MYO5B: variants seen among roughly 807,000 people sequenced by gnomAD.
The protein encoded by MYO5B is myosin VB.
MYO5B carries 143 observed loss-of-function variants against 229.3 expected under a neutral mutation model. That is an observed-to-expected ratio of 0.62 (90% CI 0.54 to 0.72). The LOEUF (loss-of-function observed/expected upper bound fraction) is 0.72, where lower values mean the gene tolerates loss of function less well. MYO5B is among the 30% of genes least tolerant of loss of function. The probability of loss-of-function intolerance (pLI) is 0.00; values close to 1 mark genes in which losing one functional copy is unlikely to be tolerated. For missense variants in MYO5B, 2,321 were observed against 2,331.0 expected, an observed-to-expected ratio of 1.00 and a Z score of 0.09; for synonymous variants, 918 against 885.2, an observed-to-expected ratio of 1.04 and a Z score of -0.66.
At chr18:49,911,775 T>A (rs1303405473) in intron 18 of MYO5B, among the ~76,000 whole-genome samples, 7 of 152,098 alleles carry the variant, frequency 4.6e-5, no homozygotes. Flanking sequence ...GGGTCAGGGG[T>A]CTGCAAGGGA....
chr18:50,002,991 C>A (rs1429963575), intron 4 of MYO5B, among the ~76,000 whole-genome samples: 1 of 152,154 alleles, frequency 6.6e-6, no homozygotes, highest in Non-Finnish European at 1.5e-5. Flanking sequence ...TGAATGTCAG[C>A]CTCTCTTCTG....
chr18:49,997,266 TTAAAAAAAAAA>T (rs1345166168), intron 5 of MYO5B, among the ~76,000 whole-genome samples: 1 of 66,782 alleles, frequency 1.5e-5, no homozygotes, highest in Non-Finnish European at 2.8e-5. Context: ...GGTCCTGTCT[TTAAAAAAAAAA>T]AAAAAAAAAA....
intron 4 of MYO5B, among the ~76,000 whole-genome samples, chr18:50,005,846 T>A (rs2026095621): frequency 6.6e-6 from 1 of 152,170 alleles, no homozygotes; most frequent in Admixed American, 6.5e-5. Context: ...TATATATGCT[T>A]CTATGCAGTC....
chr18:50,001,503 G>A (rs2144327403), intron 4 of MYO5B, 92 bp from the exon 5 acceptor site: 2 of 1,450,576 alleles, frequency 1.4e-6, no homozygotes. Context: ...GAGCCTCACT[G>A]GGAGCATCTC....
chr18:49,937,124 G>A (rs1274956774), intron 15 of MYO5B, 121 bp downstream of exon 15: 1 of 1,196,850 alleles, frequency 8.4e-7, no homozygotes, highest in Non-Finnish European at 1.2e-6. Flanking sequence ...CTGGATGGCT[G>A]AGGCTACTGA....
At chr18:50,174,174 C>T (rs929956810) in intron 1 of MYO5B, among the ~76,000 whole-genome samples, 3 of 152,146 alleles carry the variant, frequency 2.0e-5, no homozygotes, top group African/African-American at 7.2e-5. Context: ...CTCCCAGTAC[C>T]AAATCTGTAT....
rs575125913 is a variant in MYO5B, at chr18:49,911,858, T to TA, written c.2202+203dup. Among the ~76,000 whole-genome samples the TA allele has an allele frequency of 2.9e-3, 443 of 152,188 alleles. 5 individuals carry two copies. Among genetic ancestry groups the TA allele is most frequent in the African/African-American group, 0.01 (419 of 41,536 alleles). On this transcript the variant is annotated intron_variant, in intron 18 of 39. Transcript: ENST00000285039. ...TCCATTTTCTATGCCTGCTGAGCTG[T>TA]AAAAAAGGTTGGGAAGTGCTCTAGA...
At chr18:49,906,156 C>A (rs764651995) in intron 19 of MYO5B, among the ~76,000 whole-genome samples, 1 of 152,078 alleles carries the variant, frequency 6.6e-6, no homozygotes, top group Non-Finnish European at 1.5e-5. Flanking sequence ...TGGTTTGTGG[C>A]AAAACCAGCT....
chr18:50,026,776 T>C (rs1419936346), intron 4 of MYO5B, among the ~76,000 whole-genome samples: 1 of 152,234 alleles, frequency 6.6e-6, no homozygotes, highest in African/African-American at 2.4e-5. Context: ...CCAGAAATCA[T>C]ACTAAGCATT....
chr18:50,166,680 A>G (rs541282446), intron 1 of MYO5B, among the ~76,000 whole-genome samples: 2 of 152,192 alleles, frequency 1.3e-5, no homozygotes, highest in Non-Finnish European at 2.9e-5. Flanking sequence ...CCGCCTACCA[A>G]AAGAAACCAT....
intron 1 of MYO5B, among the ~76,000 whole-genome samples, chr18:50,076,531 C>T (rs543029500): frequency 7.2e-5 from 11 of 152,322 alleles, no homozygotes; most frequent in South Asian, 2.1e-4. Context: ...CAGGACACAC[C>T]GGCATCCATT....
intron 29 of MYO5B, among the ~76,000 whole-genome samples, chr18:49,857,454 A>G (rs573973843): frequency 3.2e-4 from 48 of 152,254 alleles, no homozygotes; most frequent in Non-Finnish European, 5.4e-4. Context: ...AAGGAAGGAG[A>G]CTGCAGACAC....
chr18:49,953,761 G>GC (rs1331579466), intron 13 of MYO5B, among the ~76,000 whole-genome samples: 1 of 152,102 alleles, frequency 6.6e-6, no homozygotes, highest in Non-Finnish European at 1.5e-5. Flanking sequence ...TGAGAAAGCA[G>GC]CCCCCTGAAG....
At chr18:49,917,324 A>G (rs1339812991) in intron 17 of MYO5B, among the ~76,000 whole-genome samples, 1 of 152,116 alleles carries the variant, frequency 6.6e-6, no homozygotes, top group African/African-American at 2.4e-5. Context: ...CTTTCCTACC[A>G]GTGTTTCTCA....
chr18:49,950,823 A>G (rs910834319), intron 14 of MYO5B, among the ~76,000 whole-genome samples: 6 of 152,222 alleles, frequency 3.9e-5, no homozygotes, highest in Non-Finnish European at 8.8e-5. Context: ...TCTTGTATAG[A>G]AAAGAGCTAA....
intron 5 of MYO5B, among the ~76,000 whole-genome samples, chr18:50,000,188 C>A (rs2026030772): frequency 6.6e-6 from 1 of 152,184 alleles, no homozygotes; most frequent in Non-Finnish European, 1.5e-5. Context: ...CAGGCAGGTT[C>A]TTGTTTCCCT....
At chr18:50,159,709 A>G (rs1248656686) in intron 1 of MYO5B, among the ~76,000 whole-genome samples, 1 of 152,162 alleles carries the variant, frequency 6.6e-6, no homozygotes. Flanking sequence ...GGCCTCTATG[A>G]TGCCCCACGC....
At chr18:50,043,352 A>AAAT in intron 2 of MYO5B, among the ~76,000 whole-genome samples, 1 of 89,430 alleles carries the variant, frequency 1.1e-5, no homozygotes, top group Non-Finnish European at 2.2e-5. Context: ...TATTATATAT[A>AAAT]ATATAAATAT....
Position 49,962,346 on chromosome 18 carries a change from C to A in MYO5B, c.1465G>T (p.Asp489Tyr). 1 of 1,614,186 alleles carries A rather than the reference C, an allele frequency of 6.2e-7. No individual in the cohort carries two copies. The highest frequency in any genetic ancestry group is 8.5e-7 in the Non-Finnish European group (1 of 1,180,020). Residue 489 changes from aspartate to tyrosine, a missense_variant, in exon 12 of 40, where the codon GAT (aspartate) becomes TAT (tyrosine). By Grantham distance (160) the Asp-to-Tyr change is radical. Around this residue, in one of 2 missense-constraint regions of MYO5B, gnomAD observed 2,113 missense variants for 2,044.7 expected, o/e 1.03. Transcript: ENST00000285039. ...MKEQIPWTLI[D>Y]FYDNQPCIDL... is the part of the protein sequence containing the mutation. ...ATACAAGGTTGGTTATCATAAAAAT[C>A]AATCAGGGTCCAAGGGATCTGTTCC...
Sources: gnomAD v4.1 joint callset for allele counts (sites outside exome capture counted in the v4.1 genomes callset) on GRCh38, gnomAD v4.1.1 for gene constraint, gnomAD v4.1.1 regional missense constraint, MANE v1.5 for transcripts, NCBI Gene and HGNC (gene_info 2026-07-23, HGNC 2026-07-21) for gene names.